The following ZNF84 variants were observed in gnomAD, a reference collection of about 807,000 sequenced individuals.
The protein encoded by ZNF84 is zinc finger protein HPF2.
A neutral mutation model predicts 14.8 loss-of-function variants in ZNF84; 12 were observed. The ratio of observed to expected loss-of-function variants is 0.81; its 90% CI spans 0.52 to 1.31. The LOEUF (loss-of-function observed/expected upper bound fraction) is 1.31. ZNF84 is among the 50% of genes most tolerant of loss of function. The pLI is 0.00. For synonymous variants in ZNF84, 347 were observed against 291.1 expected, an observed-to-expected ratio of 1.19 and a Z score of -1.96; for missense variants, 859 against 878.6, an observed-to-expected ratio of 0.98 and a Z score of 0.28.
chr12:133,048,004 G>A lies in ZNF84; in HGVS notation c.65G>A (p.Trp22Ter). 1 of 1,614,072 alleles carries A rather than the reference G, an allele frequency of 6.2e-7. No individual in the cohort carries two copies. Among genetic ancestry groups the A allele is most frequent in the Non-Finnish European group, 8.5e-7 (1 of 1,179,966 alleles). ...DLSVDFTQKE[W>*]QLLDPSQKNL... is the part of the protein sequence containing the mutation. Reference sequence around the variant, plus strand: ...TCTGTGGACTTCACCCAAAAGGAGTGGCAGCTACTGGATCCCTCTCAGAAG... The same window carrying A: ...TCTGTGGACTTCACCCAAAAGGAGTAGCAGCTACTGGATCCCTCTCAGAAG... The change falls in exon 3 of 5, where the codon TGG (tryptophan) becomes TAG (stop). Residue 22 changes from tryptophan to a stop codon, truncating the protein, a stop_gained. Coordinates refer to ENST00000539354, the MANE Select transcript of ZNF84 (RefSeq NM_001289971.2). LOFTEE classifies it high-confidence loss of function.
rs1479067019 is a variant in ZNF84, at chr12:133,046,388, CAG to C, written c.16-1564_16-1563del. Among the ~76,000 whole-genome samples, 65 of 123,038 alleles carry C rather than the reference CAG, an allele frequency of 5.3e-4. 1 individual carries two copies. In the South Asian group the frequency reaches 0.017, roughly 32 times the overall value. 80.7% of individuals were successfully genotyped at this position (123,038 alleles called of 152,430 possible). ...TTTTTTTTTTTTTTTTTTTTTAAAT[CAG>C]AGCTGCTGCCTCCCAGAATGTCTTT... On this transcript the variant is annotated intron_variant, in intron 2 of 4. Transcript: ENST00000539354.
Position 133,057,594 on chromosome 12 carries a change from T to C in ZNF84, c.879T>C (p.Cys293=), listed in dbSNP as rs1001841846. ...ATACAGGAGAGAAACCTTATGAGTGTGGTGAATGTGGGAAAGCCTTCTCCC... is the reference window on the plus strand; with the variant it reads ...ATACAGGAGAGAAACCTTATGAGTGCGGTGAATGTGGGAAAGCCTTCTCCC... The part of the protein sequence containing the change: ...RTHTGEKPYE[C]GECGKAFSRK... Residue 293 remains cysteine (C), a synonymous_variant, in exon 5 of 5, where the codon TGT becomes TGC. Coordinates refer to ENST00000539354, the MANE Select transcript of ZNF84 (RefSeq NM_001289971.2). 1 of 1,613,746 alleles carries C rather than the reference T, an allele frequency of 6.2e-7. No homozygotes were observed. Among genetic ancestry groups the C allele is most frequent in the African/African-American group, 1.3e-5 (1 of 74,818 alleles).
chr12:133,055,809 C>A (rs1236605818), intron 4 of ZNF84, among the ~76,000 whole-genome samples: 6 of 152,032 alleles, frequency 3.9e-5, no homozygotes, highest in African/African-American at 1.5e-4. Context: ...CCATGAAAAA[C>A]CAAAATTGGC....
intron 4 of ZNF84, among the ~76,000 whole-genome samples, chr12:133,049,376 G>A (rs997231539): frequency 6.4e-4 from 97 of 152,200 alleles, no homozygotes; most frequent in Admixed American, 3.3e-3. Context: ...AAATGGAGCC[G>A]TCATTTCTCC....
intron 4 of ZNF84, among the ~76,000 whole-genome samples, chr12:133,050,800 A>G (rs1424749583): frequency 6.6e-6 from 1 of 152,196 alleles, no homozygotes; most frequent in Admixed American, 6.5e-5. Context: ...CGTAGTATAT[A>G]TAATATTTTT....
chr12:133,053,428 A>G (rs1429424907), intron 4 of ZNF84, among the ~76,000 whole-genome samples: 2 of 152,042 alleles, frequency 1.3e-5, no homozygotes, highest in Non-Finnish European at 2.9e-5. Flanking sequence ...CGTCATAGAC[A>G]TCTCAAAATT....
rs1001327210 is a variant in ZNF84, at chr12:133,062,060, A to C, written c.*3128A>C. The C allele has an allele frequency of 6.6e-5, 10 of 152,258 alleles. No individual in the cohort carries two copies. Among genetic ancestry groups the C allele is most frequent in the African/African-American group, 1.9e-4 (8 of 41,466 alleles). The allele number at this position is 152,258 out of a possible 1,614,324, so 9.4% of individuals were successfully genotyped here. A position where few individuals can be genotyped will look rare whatever the true frequency, so the allele number is the denominator to read the frequency against. On this transcript the variant is annotated 3_prime_UTR_variant, in exon 5 of 5. Coordinates refer to ENST00000539354, the MANE Select transcript of ZNF84 (RefSeq NM_001289971.2). ...GATTTTATGGAGCACAATAAGGTAC[A>C]TTGAGATAGCATACTAAAGGAGGCC...
chr12:133,059,080 C>A lies in ZNF84; in HGVS notation c.*148C>A. ...ATGAGGTGGTGTATGGAAAGCCGAT[C>A]ATAATTCATAGAGTAGAGTGAACCT... On this transcript the variant is annotated 3_prime_UTR_variant, in exon 5 of 5. Transcript: ENST00000539354. The A allele has an allele frequency of 1.3e-6, 1 of 786,856 alleles. No homozygotes were observed. Among genetic ancestry groups the A allele is most frequent in the Non-Finnish European group, 2.0e-6 (1 of 503,492 alleles). The allele number at this position is 786,856 out of a possible 1,614,324, so 48.7% of individuals were successfully genotyped here. A position where few individuals can be genotyped will look rare whatever the true frequency, so the allele number is the denominator to read the frequency against.
chr12:133,041,079 T>TA (rs1308853677), intron 1 of ZNF84, 199 bp from the exon 2 acceptor site: 1 of 223,204 alleles, frequency 4.5e-6, no homozygotes, highest in Non-Finnish European at 8.7e-6. Context: ...TTATTTCTGA[T>TA]ATTTCCTTAT....
chr12:133,057,229 G>C lies in ZNF84; in HGVS notation c.514G>C (p.Asp172His), dbSNP rs993246003. The change falls in exon 5 of 5, where the codon GAT becomes CAT. Residue 172 changes from aspartate (D) to histidine (H), a missense_variant. Physicochemically the swap from Asp to His is moderately conservative, Grantham distance 81. Transcript: ENST00000539354. ...TTTTTTTCTCCATTCCAAGCCTGAG[G>C]ATACTGATACCTGGTTAAAATACTA... ...DNFFLHSKPE[D>H]TDTWLKYYDC... 1 of 1,613,804 alleles carries C rather than the reference G, an allele frequency of 6.2e-7. No individual in the cohort carries two copies. The highest frequency in any genetic ancestry group is 8.5e-7 in the Non-Finnish European group (1 of 1,179,964).
rs1210026222 is a variant in ZNF84 at position 133,062,322 on chromosome 12, G to GT, written c.*3393dup. ...GGGTCCATATATTTGTGATACTTTGGTTTCGGGAACATCACTTTTAGAATG... is the reference window on the plus strand; with the variant it reads ...GGGTCCATATATTTGTGATACTTTGGTTTTCGGGAACATCACTTTTAGAATG... On this transcript the variant is annotated 3_prime_UTR_variant, in exon 5 of 5. Transcript: ENST00000539354. The GT allele has an allele frequency of 3.9e-4, 60 of 152,168 alleles. No homozygotes were observed. Among genetic ancestry groups the GT allele is most frequent in the African/African-American group, 1.3e-3 (54 of 41,430 alleles). 9.4% of individuals were successfully genotyped at this position (152,168 alleles called of 1,614,324 possible). A position where few individuals can be genotyped will look rare whatever the true frequency, so the allele number is the denominator to read the frequency against.
In ZNF84 at chr12:133,046,500, C is replaced by CA. The variant is rs1206225003; in HGVS notation, c.16-1452dup. 2.2e-3 allele frequency among the ~76,000 whole-genome samples: 339 copies of CA among 152,050 alleles called. 2 individuals are homozygous for CA. The highest frequency in any genetic ancestry group is 8.0e-3 in the African/African-American group (332 of 41,472). ...TTTCCGTAGAGCCTAACTCTACACTCAAATAGAGTGAAGTGCTGCCTGCTT... is the reference window on the plus strand; with the variant it reads ...TTTCCGTAGAGCCTAACTCTACACTCAAAATAGAGTGAAGTGCTGCCTGCTT... On this transcript the variant is annotated intron_variant, in intron 2 of 4. Coordinates refer to ENST00000539354, the MANE Select transcript of ZNF84 (RefSeq NM_001289971.2).
At chr12:133,045,415 G>C (rs1953963529) in intron 2 of ZNF84, among the ~76,000 whole-genome samples, 1 of 152,208 alleles carries the variant, frequency 6.6e-6, no homozygotes, top group Admixed American at 6.5e-5. Context: ...AGGTTGCAGT[G>C]AGCTGAGATT....
intron 4 of ZNF84, 85 bp downstream of exon 4, chr12:133,048,933 G>T (rs1287070493): frequency 5.3e-6 from 6 of 1,140,572 alleles, no homozygotes; most frequent in South Asian, 1.4e-5. Context: ...TCAGTGATGG[G>T]TGGGCTGGTC....
At chr12:133,052,948 G>C (rs887038358) in intron 4 of ZNF84, among the ~76,000 whole-genome samples, 1 of 152,344 alleles carries the variant, frequency 6.6e-6, no homozygotes, top group South Asian at 2.1e-4. Context: ...ATGTGGCTGA[G>C]GTTGGTATGC....
At position 133,062,917 on chromosome 12, in the gene ZNF84, A is replaced by G; in HGVS notation, c.*3985A>G. 1.8e-6 allele frequency: 1 copy of G among 562,754 alleles called. No individual in the cohort carries two copies. Among genetic ancestry groups the G allele is most frequent in the Non-Finnish European group, 3.2e-6 (1 of 315,698 alleles). 34.9% of individuals were successfully genotyped at this position (562,754 alleles called of 1,614,324 possible). On this transcript the variant is annotated 3_prime_UTR_variant, in exon 5 of 5. Coordinates refer to ENST00000539354, the MANE Select transcript of ZNF84 (RefSeq NM_001289971.2). ...ATTGAAATGCCCTTGTTCCTTGTTAATGCCTATTGAATCTATATGAACCTG... is the reference window on the plus strand; with the variant it reads ...ATTGAAATGCCCTTGTTCCTTGTTAGTGCCTATTGAATCTATATGAACCTG...
chr12:133,041,498 A>G lies in ZNF84; in HGVS notation c.15+16A>G. 6.2e-7 allele frequency: 1 copy of G among 1,613,780 alleles called. No homozygotes were observed. The highest frequency in any genetic ancestry group is 8.5e-7 in the Non-Finnish European group (1 of 1,179,636). On this transcript the variant is annotated intron_variant, in intron 2 of 4. Transcript: ENST00000539354. ...CATGTTACAGGTGAGTTGATTGTTG[A>G]GTTCTTATTTTTTCCCAGGGAATTA...
rs779038183 is a variant in ZNF84, at chr12:133,053,323, A to G, written c.239-3631A>G. 4.9e-3 allele frequency among the ~76,000 whole-genome samples: 750 copies of G among 152,326 alleles called. 6 individuals carry two copies. The highest frequency in any genetic ancestry group is 0.016 in the African/African-American group (682 of 41,572). On this transcript the variant is annotated intron_variant, in intron 4 of 4. Transcript: ENST00000539354. ...CACATACTTAAGTATTAATAGTTCA[A>G]TAATTTGATAACATTTAAAATAACA...
chr12:133,059,363 T>A lies in ZNF84; in HGVS notation c.*431T>A. 4.6e-6 allele frequency: 1 copy of A among 217,900 alleles called. No individual in the cohort carries two copies. The highest frequency in any genetic ancestry group is 9.0e-6 in the Non-Finnish European group (1 of 111,314). 13.5% of individuals were successfully genotyped at this position (217,900 alleles called of 1,614,324 possible). On this transcript the variant is annotated 3_prime_UTR_variant, in exon 5 of 5. Transcript: ENST00000539354. The stretch of plus-strand genomic sequence containing the variant: ...TGAAGTTCTATGAAAGTACTAAATA[T>A]GGGACAGTGCAACAAGTAACGAGAC...
Sources: allele counts gnomAD v4.1 joint callset (sites outside exome capture counted in the v4.1 genomes callset), GRCh38; gene constraint gnomAD v4.1.1; transcripts MANE v1.5; gene names NCBI Gene and HGNC (gene_info 2026-07-23, HGNC 2026-07-21).